RABGGTA: variants seen among roughly 807,000 people sequenced by gnomAD.
RABGGTA encodes geranylgeranyl transferase type-2 subunit alpha.
In RABGGTA, 69 loss-of-function variants were observed where a neutral mutation model predicts 83.3. The observed-to-expected ratio is 0.83, with a 90% confidence interval of 0.68 to 1.01. The LOEUF (loss-of-function observed/expected upper bound fraction) is 1.01. RABGGTA is among the 50% of genes least tolerant of loss of function. The probability of loss-of-function intolerance (pLI) is 0.00; values close to 1 mark genes in which losing one functional copy is unlikely to be tolerated. For missense variants in RABGGTA, 681 were observed against 712.7 expected, an observed-to-expected ratio of 0.96 and a Z score of 0.51; for synonymous variants, 310 against 299.8, an observed-to-expected ratio of 1.03 and a Z score of -0.35.
intron 16 of RABGGTA, 86 bp downstream of exon 16, chr14:24,266,344 G>T: frequency 8.0e-7 from 1 of 1,250,548 alleles, no homozygotes; most frequent in Non-Finnish European, 1.2e-6. Context: ...CAAGAGGGTG[G>T]CACATACCCT....
intron 1 of RABGGTA, 57 bp from the exon 2 acceptor site, chr14:24,271,226 G>A: frequency 7.4e-7 from 1 of 1,357,714 alleles, no homozygotes; most frequent in Non-Finnish European, 9.8e-7. Context: ...GCCCACAGCT[G>A]TGTCCGGAAG....
At chr14:24,268,029 C>T in intron 12 of RABGGTA, 71 bp from the exon 13 acceptor site, 1 of 1,601,866 alleles carries the variant, frequency 6.2e-7, no homozygotes, top group Non-Finnish European at 8.5e-7. Context: ...TGAGGCCTTC[C>T]TGCTGTCCTC....
chr14:24,268,323 C>G, intron 11 of RABGGTA, 46 bp downstream of exon 11: 1 of 1,612,570 alleles, frequency 6.2e-7, no homozygotes, highest in Non-Finnish European at 8.5e-7. Flanking sequence ...GCCTGATGCC[C>G]AGAGTCCAGA....
chr14:24,271,375 G>A (rs2040949301), intron 1 of RABGGTA, 112 bp downstream of exon 1: 2 of 389,550 alleles, frequency 5.1e-6, no homozygotes, highest in Non-Finnish European at 9.1e-6. Flanking sequence ...GCCCGGGCCA[G>A]AGCGCGAGCC....
chr14:24,270,511 CTAAA>C, intron 3 of RABGGTA, 53 bp from the exon 4 acceptor site: 1 of 1,603,598 alleles, frequency 6.2e-7, no homozygotes, highest in Non-Finnish European at 8.5e-7. Context: ...CACTACAGGA[CTAAA>C]TAACGTAAAC....
chr14:24,269,512 G>C lies in RABGGTA; in HGVS notation c.610C>G (p.Pro204Ala). 1 of 1,597,544 alleles carries C rather than the reference G, an allele frequency of 6.3e-7. No homozygotes were observed. Among genetic ancestry groups the C allele is most frequent in the Middle Eastern group, 1.7e-4 (1 of 5,986 alleles). Residue 204 changes from proline (P) to alanine (A), a missense_variant, in exon 6 of 17, where the codon CCT (proline) becomes GCT (alanine). Coordinates refer to ENST00000216840, the MANE Select transcript of RABGGTA (RefSeq NM_182836.3). Reference sequence around the variant, plus strand: ...TTACCTTTGAGCAGCACATCCTCAGGGAGGCGCCCCTGTGGTCCAGAATCC... The same window carrying C: ...TTACCTTTGAGCAGCACATCCTCAGCGAGGCGCCCCTGTGGTCCAGAATCC... The part of the protein sequence containing the change: ...QPDSGPQGRL[P>A]EDVLLKELEL...
Position 24,268,886 on chromosome 14 carries a change from T to G in RABGGTA, c.798+25A>C, listed in dbSNP as rs751369800. ...CACCAGGCCCACAGTCCCACAGTGC[T>G]CTTGACAAAAGCTGCAGGACTCACT... On this transcript the variant is annotated intron_variant, in intron 8 of 16. Transcript: ENST00000216840. 5.1e-6 allele frequency: 8 copies of G among 1,576,250 alleles called. No homozygotes were observed. In the Admixed American group the frequency reaches 1.5e-4, roughly 29 times the overall value.
Position 24,266,490 on chromosome 14 carries a change from C to G in RABGGTA, c.1495G>C (p.Glu499Gln). 6.2e-7 allele frequency: 1 copy of G among 1,613,974 alleles called. No homozygotes were observed. Among genetic ancestry groups the G allele is most frequent in the Non-Finnish European group, 8.5e-7 (1 of 1,179,896 alleles). ...AGGTTGGTGACGCCGTCCAGGGACT[C>G]TATGGCATTATCACTGGCCTGCAGC... ...EVLQASDNAI[E>Q]SLDGVTNLPR... is the part of the protein sequence containing the mutation. The change falls in exon 16 of 17, where the codon GAG becomes CAG. Residue 499 changes from glutamate to glutamine, a missense_variant. Transcript: ENST00000216840.
chr14:24,270,726 T>G (rs1262814145), intron 3 of RABGGTA, 111 bp downstream of exon 3: 26 of 1,436,532 alleles, frequency 1.8e-5, no homozygotes, highest in African/African-American at 1.6e-4. Context: ...CAGTTATAAG[T>G]GAGATAACCC....
At chr14:24,269,240 C>T in intron 6 of RABGGTA, 77 bp from the exon 7 acceptor site, 2 of 1,349,156 alleles carry the variant, frequency 1.5e-6, no homozygotes, top group Non-Finnish European at 1.0e-6. Flanking sequence ...CCTACCCTCT[C>T]CTTGGAGTAC....
Position 24,270,109 on chromosome 14 carries a change from C to A in RABGGTA, c.271G>T (p.Ala91Ser). ...SPEELAALVKAELGFLESCLR... is the reference protein window; with the variant it reads ...SPEELAALVKSELGFLESCLR... Reference sequence around the variant, plus strand: ...CAGCTCTCCAGGAAGCCCAGTTCTGCCTTCACCAGAGCAGCCAACTCTTCA... The same window carrying A: ...CAGCTCTCCAGGAAGCCCAGTTCTGACTTCACCAGAGCAGCCAACTCTTCA... The change falls in exon 5 of 17, where the codon GCA (alanine) becomes TCA (serine). Residue 91 changes from alanine to serine, a missense_variant. Physicochemically the swap from Ala to Ser is moderately conservative, Grantham distance 99. This residue lies in a region of RABGGTA where 115 missense variants were observed against 111.5 expected (regional missense o/e 1.03). Coordinates refer to ENST00000216840, the MANE Select transcript of RABGGTA (RefSeq NM_182836.3). 6.2e-7 allele frequency: 1 copy of A among 1,609,456 alleles called. No individual in the cohort carries two copies. Among genetic ancestry groups the A allele is most frequent in the Non-Finnish European group, 8.5e-7 (1 of 1,177,984 alleles).
At position 24,266,856 on chromosome 14, in the gene RABGGTA, G is replaced by A. The variant is rs745686611; in HGVS notation, c.1387C>T (p.Leu463Phe). ...GACAAGTCAAGATGGGTGACCAAGAGCAGCTGTTCCAGATGGCAGAGCACT... is the reference window on the plus strand; with the variant it reads ...GACAAGTCAAGATGGGTGACCAAGAACAGCTGTTCCAGATGGCAGAGCACT... ...LTVLCHLEQL[L>F]LVTHLDLSHN... The change falls in exon 15 of 17, where the codon CTC (leucine) becomes TTC (phenylalanine). Residue 463 changes from leucine (L) to phenylalanine (F), a missense_variant. Leu to Phe is a conservative substitution (Grantham distance 22). Coordinates refer to ENST00000216840, the MANE Select transcript of RABGGTA (RefSeq NM_182836.3). The A allele has an allele frequency of 1.9e-6, 3 of 1,613,946 alleles. No homozygotes were observed. The South Asian group carries it at 3.3e-5, about 18-fold the overall frequency.
At chr14:24,266,664 C>T (rs746146380) in intron 15 of RABGGTA, 112 bp downstream of exon 15, 23 of 1,237,140 alleles carry the variant, frequency 1.9e-5, no homozygotes, top group South Asian at 6.1e-5. Context: ...CACGCAGTTA[C>T]CTGTTCGGGG....
Position 24,271,179 on chromosome 14 carries a change from G to A in RABGGTA, c.-54-10C>T. The A allele has an allele frequency of 1.3e-6, 2 of 1,490,584 alleles. No individual in the cohort carries two copies. The highest frequency in any genetic ancestry group is 1.8e-6 in the Non-Finnish European group (2 of 1,119,040). 92.3% of individuals were successfully genotyped at this position (1,490,584 alleles called of 1,614,324 possible). ...TGGTAGCCCTTGAAGTCTGAGGAGA[G>A]AAGTGTCAATCACGTAGCCCCGCCC... On this transcript the variant is annotated splice_polypyrimidine_tract_variant and intron_variant, in intron 1 of 16. Coordinates refer to ENST00000216840, the MANE Select transcript of RABGGTA (RefSeq NM_182836.3).
In RABGGTA at chr14:24,267,856, C is replaced by A. The variant is rs1373400202; in HGVS notation, c.1236+14G>T. The A allele has an allele frequency of 1.2e-6, 2 of 1,612,916 alleles. No individual in the cohort carries two copies. The highest frequency in any genetic ancestry group is 1.7e-6 in the Non-Finnish European group (2 of 1,179,272). On this transcript the variant is annotated intron_variant, in intron 13 of 16. Coordinates refer to ENST00000216840, the MANE Select transcript of RABGGTA (RefSeq NM_182836.3). ...CTGGGCCTCCCCCTGGTCTGTTCTG[C>A]AGACAGAACTTGCCTTGAGGGTCTG...
intron 14 of RABGGTA, 54 bp downstream of exon 14, chr14:24,267,606 G>T: frequency 6.9e-7 from 1 of 1,446,904 alleles, no homozygotes; most frequent in Non-Finnish European, 9.5e-7. Context: ...AGTCAGGGAC[G>T]TGGGGAGGCC....
rs1157860471 is a variant in RABGGTA at position 24,266,429 on chromosome 14, C to T, written c.1555+1G>A. On this transcript the variant is annotated splice_donor_variant, in intron 16 of 16. Coordinates refer to ENST00000216840, the MANE Select transcript of RABGGTA (RefSeq NM_182836.3). LOFTEE classifies it high-confidence loss of function. ...TGAAAGGCACCCAGAAGGAAGGATA[C>T]GGTTGTTGCACAGTAGCAGCTCCTG... 8.7e-6 allele frequency: 14 copies of T among 1,613,686 alleles called. No individual in the cohort carries two copies. Among genetic ancestry groups the T allele is most frequent in the Admixed American group, 5.0e-5 (3 of 60,004 alleles).
Position 24,269,589 on chromosome 14 carries a change from T to G in RABGGTA, c.533A>C (p.Tyr178Ser), listed in dbSNP as rs2040918640. The G allele has an allele frequency of 6.2e-7, 1 of 1,610,972 alleles. No homozygotes were observed. The highest frequency in any genetic ancestry group is 8.5e-7 in the Non-Finnish European group (1 of 1,178,226). ...ACAGGAGCGGTAATGCCAGGAAGAG[T>G]AGTTGGAGAAGTTTCGGGTGATGAG... ...DSLITRNFSN[Y>S]SSWHYRSCLL... The change falls in exon 6 of 17, where the codon TAC becomes TCC. Residue 178 changes from tyrosine (Y) to serine (S), a missense_variant. Tyr to Ser is a moderately radical substitution (Grantham distance 144). Transcript: ENST00000216840.
At position 24,267,666 on chromosome 14, in the gene RABGGTA, A is replaced by G. The variant is rs759912591; in HGVS notation, c.1347T>C (p.Ala449=). Residue 449 remains alanine (A), a synonymous_variant, in exon 14 of 17, where the codon GCT becomes GCC. Coordinates refer to ENST00000216840, the MANE Select transcript of RABGGTA (RefSeq NM_182836.3). ...EYAEVRVLHL[A]HKDLTVLCHL... is the part of the protein sequence containing the mutation. ...CATGCATGGCAGCCCATACCTTGTG[A>G]GCCAGGTGCAGCACACGCACCTCGG... The G allele has an allele frequency of 1.2e-6, 2 of 1,610,256 alleles. No homozygotes were observed. The highest frequency in any genetic ancestry group is 2.2e-5 in the South Asian group (2 of 90,648).
Sources: gnomAD v4.1 joint callset for allele counts on GRCh38, gnomAD v4.1.1 for gene constraint, gnomAD v4.1.1 regional missense constraint, MANE v1.5 for transcripts, NCBI Gene and HGNC (gene_info 2026-07-23, HGNC 2026-07-21) for gene names.